The following GRIN2A variants were observed in gnomAD, a reference collection of about 807,000 sequenced individuals.
The protein encoded by GRIN2A is glutamate ionotropic receptor NMDA type subunit 2A, also known as glutamate receptor ionotropic, NMDA 2A.
Under a neutral mutation model 113.4 loss-of-function variants are expected in GRIN2A, and 22 were observed. The observed-to-expected ratio is 0.19, with a 90% CI of 0.14 to 0.28. The LOEUF is 0.28. GRIN2A is among the 10% of genes least tolerant of loss of function. GRIN2A has a pLI of 1.00. For synonymous variants in GRIN2A, 827 were observed against 738.4 expected (o/e 1.12, Z -1.94); for missense variants, 1,502 against 1,887.0 (o/e 0.80, Z 3.78).
intron 2 of GRIN2A, among the ~76,000 whole-genome samples, chr16:10,051,190 G>T (rs1042784178): frequency 6.6e-6 from 1 of 152,170 alleles, no homozygotes; most frequent in Non-Finnish European, 1.5e-5. Flanking sequence ...TGGGATTTTG[G>T]TGCTATAAGG....
intron 2 of GRIN2A, among the ~76,000 whole-genome samples, chr16:9,938,899 C>A (rs752038764): frequency 6.6e-6 from 1 of 152,086 alleles, no homozygotes; most frequent in Non-Finnish European, 1.5e-5. Context: ...AGCTCATGAC[C>A]GGAAAATCAA....
At chr16:10,057,024 C>T (rs1425076275) in intron 2 of GRIN2A, among the ~76,000 whole-genome samples, 2 of 152,060 alleles carry the variant, frequency 1.3e-5, no homozygotes, top group Admixed American at 6.6e-5. Context: ...AGCCTTCTAC[C>T]CATCCATCCC....
chr16:9,992,085 A>C (rs923459286), intron 2 of GRIN2A, among the ~76,000 whole-genome samples: 4 of 152,220 alleles, frequency 2.6e-5, no homozygotes, highest in Non-Finnish European at 5.9e-5. Flanking sequence ...AACAAAAAAG[A>C]TAAGGACGTC....
intron 3 of GRIN2A, among the ~76,000 whole-genome samples, chr16:9,928,615 C>T (rs1013199332): frequency 1.1e-4 from 16 of 151,998 alleles, no homozygotes; most frequent in Admixed American, 5.2e-4. Flanking sequence ...TTCCATCACT[C>T]GTCACTTACT....
chr16:10,128,023 A>G (rs1399924850), intron 2 of GRIN2A, among the ~76,000 whole-genome samples: 1 of 152,152 alleles, frequency 6.6e-6, no homozygotes, highest in Admixed American at 6.5e-5. Context: ...CACCCATATA[A>G]GAACTCAACA....
intron 11 of GRIN2A, among the ~76,000 whole-genome samples, chr16:9,777,202 T>C (rs1302337007): frequency 6.6e-6 from 1 of 152,130 alleles, no homozygotes; most frequent in Non-Finnish European, 1.5e-5. Context: ...CCAACACCCA[T>C]GTTGTTTTAA....
chr16:10,073,639 C>T (rs973529165), intron 2 of GRIN2A, among the ~76,000 whole-genome samples: 3 of 152,032 alleles, frequency 2.0e-5, no homozygotes, highest in Non-Finnish European at 4.4e-5. Context: ...ATTAGACATC[C>T]TTCACCCTTT....
intron 2 of GRIN2A, among the ~76,000 whole-genome samples, chr16:10,065,743 G>T (rs2047636635): frequency 6.6e-6 from 1 of 152,162 alleles, no homozygotes. Flanking sequence ...AGCTGGAAGA[G>T]GATTGGATAC....
intron 3 of GRIN2A, among the ~76,000 whole-genome samples, chr16:9,934,851 C>A (rs1331231066): frequency 1.3e-5 from 2 of 151,844 alleles, no homozygotes; most frequent in Non-Finnish European, 2.9e-5. Flanking sequence ...GGAGAGACTG[C>A]TTGTGCCTTA....
intron 2 of GRIN2A, among the ~76,000 whole-genome samples, chr16:10,039,808 G>GGGAGAGAGAGAGAGA (rs1555469298): frequency 7.8e-5 from 5 of 63,824 alleles, no homozygotes; most frequent in African/African-American, 3.9e-4. Context: ...GGGAGGGGGG[G>GGGAGAGAGAGAGAGA]GAGAAAGAGA....
In GRIN2A at chr16:10,155,661, A is replaced by T. The variant is rs550983384; in HGVS notation, c.414+24337T>A. On this transcript the variant is annotated intron_variant, in intron 2 of 12. Coordinates refer to ENST00000330684, the MANE Select transcript of GRIN2A (RefSeq NM_001134407.3). ...AAGACATATCGGAGACTGGTAACTT[A>T]TAAGGGAAAGAGGTTTAATGGACTC... Among the ~76,000 whole-genome samples, 6 of 152,342 alleles carry T rather than the reference A, an allele frequency of 3.9e-5. No individual in the cohort carries two copies. In the South Asian group the frequency reaches 8.3e-4, roughly 21 times the overall value.
intron 2 of GRIN2A, among the ~76,000 whole-genome samples, chr16:10,076,412 G>A (rs776866818): frequency 1.6e-4 from 24 of 152,274 alleles, no homozygotes; most frequent in Non-Finnish European, 2.8e-4. Context: ...TGGCGACGGT[G>A]GGGACCTAAA....
chr16:9,963,025 A>G (rs2045473673), intron 2 of GRIN2A, among the ~76,000 whole-genome samples: 1 of 150,778 alleles, frequency 6.6e-6, no homozygotes, highest in South Asian at 2.1e-4. Flanking sequence ...GCAAGGACAA[A>G]AAACCAAACA....
chr16:10,155,040 T>C (rs1237229276), intron 2 of GRIN2A, among the ~76,000 whole-genome samples: 1 of 152,210 alleles, frequency 6.6e-6, no homozygotes, highest in East Asian at 1.9e-4. Flanking sequence ...TTGAAGAGGC[T>C]CATGTGCATT....
At chr16:10,150,079 G>A (rs1205821657) in intron 2 of GRIN2A, among the ~76,000 whole-genome samples, 2 of 152,202 alleles carry the variant, frequency 1.3e-5, no homozygotes, top group African/African-American at 2.4e-5. Flanking sequence ...TGCCCTACTT[G>A]AGCCCAGTTT....
chr16:10,034,657 CT>C, intron 2 of GRIN2A, among the ~76,000 whole-genome samples: 1 of 147,532 alleles, frequency 6.8e-6, no homozygotes, highest in East Asian at 2.1e-4. Flanking sequence ...TGTCACTCAT[CT>C]TTAATAGTCC....
At chr16:10,116,090 C>T (rs898129396) in intron 2 of GRIN2A, among the ~76,000 whole-genome samples, 3 of 152,134 alleles carry the variant, frequency 2.0e-5, no homozygotes, top group Non-Finnish European at 2.9e-5. Context: ...CAATGATAGA[C>T]TGGATAAAGA....
chr16:9,994,059 G>A (rs1380156145), intron 2 of GRIN2A, among the ~76,000 whole-genome samples: 2 of 152,130 alleles, frequency 1.3e-5, no homozygotes, highest in Admixed American at 1.3e-4. Context: ...TCCATCACAT[G>A]GAATATCACC....
chr16:9,904,348 TCTC>T lies in GRIN2A; in HGVS notation c.1008-13251_1008-13249del, dbSNP rs569221546. Among the ~76,000 whole-genome samples, 7 of 152,144 alleles carry T rather than the reference TCTC, an allele frequency of 4.6e-5. No individual in the cohort carries two copies. The East Asian group carries it at 1.4e-3, about 29-fold the overall frequency. On this transcript the variant is annotated intron_variant, in intron 3 of 12. Coordinates refer to ENST00000330684, the MANE Select transcript of GRIN2A (RefSeq NM_001134407.3). ...ATGGTGGAGAGAGATCTACTTCATG[TCTC>T]CTCCTCTTTTTCTTTTTCTTTTTCT... is the stretch of plus-strand genomic sequence containing the variant.
Sources: gnomAD v4.1 joint callset for allele counts (sites outside exome capture counted in the v4.1 genomes callset) on GRCh38, gnomAD v4.1.1 for gene constraint, MANE v1.5 for transcripts, NCBI Gene and HGNC (gene_info 2026-07-23, HGNC 2026-07-21) for gene names.